CSMD1: variants seen among roughly 807,000 people sequenced by gnomAD.
The protein encoded by CSMD1 is CUB and Sushi multiple domains 1.
CSMD1 carries 213 observed loss-of-function variants against 417.5 expected under a neutral mutation model. The observed-to-expected ratio is 0.51, with a 90% CI of 0.46 to 0.57. The LOEUF (loss-of-function observed/expected upper bound fraction) is 0.57, where lower values mean the gene tolerates loss of function less well. Ranked by LOEUF, CSMD1 falls within the 20% of genes least tolerant of loss-of-function variation. The pLI is 0.00. For missense variants in CSMD1, 6,923 were observed against 4,529.7 expected (o/e 1.53, Z -15.17); for synonymous variants, 2,862 against 1,736.8 (o/e 1.65, Z -16.11).
At chr8:3,957,540 T>G (rs984600857) in intron 5 of CSMD1, among the ~76,000 whole-genome samples, 1 of 151,936 alleles carries the variant, frequency 6.6e-6, no homozygotes, top group African/African-American at 2.4e-5. Flanking sequence ...AAAAACTAGC[T>G]GGGCATGGCG....
chr8:2,954,938 T>G (rs1802895842), intron 64 of CSMD1, among the ~76,000 whole-genome samples: 1 of 152,166 alleles, frequency 6.6e-6, no homozygotes, highest in South Asian at 2.1e-4. Flanking sequence ...CACGCCATCA[T>G]TTTTGGTTTA....
intron 3 of CSMD1, among the ~76,000 whole-genome samples, chr8:4,320,586 C>A (rs1447763294): frequency 6.6e-6 from 1 of 152,120 alleles, no homozygotes. Context: ...TCAACTCCCA[C>A]TTATGAGTGA....
At chr8:3,717,705 T>C (rs972419449) in intron 6 of CSMD1, among the ~76,000 whole-genome samples, 7 of 152,216 alleles carry the variant, frequency 4.6e-5, no homozygotes, top group Non-Finnish European at 7.4e-5. Context: ...CACTTAATAT[T>C]GGTAGAATAA....
At chr8:2,977,532 G>T (rs630796) in intron 55 of CSMD1, among the ~76,000 whole-genome samples, 120,383 of 152,138 alleles carry the variant, frequency 0.79, 47,824 homozygotes, top group Non-Finnish European at 0.81. Context: ...TTCCATGTGT[G>T]GTTATTGTGA....
In CSMD1 at chr8:3,536,917, T is replaced by C. The variant is rs370797963; in HGVS notation, c.1344+38028A>G. Among the ~76,000 whole-genome samples the C allele has an allele frequency of 1.1e-4, 16 of 152,230 alleles. No individual in the cohort carries two copies. The East Asian group carries it at 2.9e-3, about 27-fold the overall frequency. On this transcript the variant is annotated intron_variant, in intron 10 of 69. Coordinates refer to ENST00000635120, the MANE Select transcript of CSMD1 (RefSeq NM_033225.6). The stretch of plus-strand genomic sequence containing the variant: ...TAGTTTAGAAGGATTTATTGTACGA[T>C]TGCCCTAGTCGTCAGTAGAGTCAGT...
intron 5 of CSMD1, among the ~76,000 whole-genome samples, chr8:3,915,584 T>G (rs1229174975): frequency 6.6e-6 from 1 of 151,570 alleles, no homozygotes; most frequent in Non-Finnish European, 1.5e-5. Context: ...AGTCAGACAT[T>G]TAATGGGATT....
chr8:4,517,069 G>T (rs1803164947), intron 2 of CSMD1, among the ~76,000 whole-genome samples: 1 of 152,120 alleles, frequency 6.6e-6, no homozygotes, highest in Non-Finnish European at 1.5e-5. Flanking sequence ...GTTTTACTGT[G>T]AATGCAGAAA....
intron 1 of CSMD1, among the ~76,000 whole-genome samples, chr8:4,656,077 T>C (rs1321422109): frequency 6.6e-6 from 1 of 151,988 alleles, no homozygotes; most frequent in Non-Finnish European, 1.5e-5. Flanking sequence ...GGCACAGTAA[T>C]GGGAAAGACA....
At chr8:4,080,650 G>A (rs1255776651) in intron 3 of CSMD1, among the ~76,000 whole-genome samples, 3 of 152,052 alleles carry the variant, frequency 2.0e-5, no homozygotes, top group East Asian at 1.9e-4. Flanking sequence ...TTATTAGCAC[G>A]ACAAGACAAA....
At chr8:4,811,876 A>T (rs1296291000) in intron 1 of CSMD1, among the ~76,000 whole-genome samples, 3 of 152,174 alleles carry the variant, frequency 2.0e-5, no homozygotes, top group Non-Finnish European at 2.9e-5. Flanking sequence ...AGCTGCCTCA[A>T]ATCATAGAAC....
At chr8:4,010,455 C>A (rs549055799) in intron 4 of CSMD1, among the ~76,000 whole-genome samples, 2 of 152,142 alleles carry the variant, frequency 1.3e-5, no homozygotes, top group African/African-American at 4.8e-5. Flanking sequence ...CTGGGAAAAA[C>A]ATAACCTCTT....
At position 3,621,073 on chromosome 8, in the gene CSMD1, G is replaced by A. The variant is rs76870432; in HGVS notation, c.1010-4276C>T. Among the ~76,000 whole-genome samples the A allele has an allele frequency of 1.2e-3, 183 of 152,290 alleles. 2 individuals are homozygous for A. In the East Asian group the frequency reaches 0.027, roughly 23 times the overall value. On this transcript the variant is annotated intron_variant, in intron 7 of 69. Transcript: ENST00000635120. ...ATACATAAAGGAAAGTCCATGTGAA[G>A]ACACAAGAAGAGAGTCATCCACAAG... is the stretch of plus-strand genomic sequence containing the variant.
At chr8:3,981,674 A>G (rs1477492703) in intron 5 of CSMD1, among the ~76,000 whole-genome samples, 1 of 151,598 alleles carries the variant, frequency 6.6e-6, no homozygotes, top group Non-Finnish European at 1.5e-5. Context: ...TCCTTCTTTG[A>G]CGTTAATTGT....
At chr8:4,927,812 C>T (rs949303323) in intron 1 of CSMD1, among the ~76,000 whole-genome samples, 8 of 152,182 alleles carry the variant, frequency 5.3e-5, no homozygotes, top group Admixed American at 5.2e-4. Flanking sequence ...CTCTCCTTCT[C>T]ACACTCACCA....
chr8:4,273,262 G>T (rs1368129274), intron 3 of CSMD1, among the ~76,000 whole-genome samples: 1 of 152,072 alleles, frequency 6.6e-6, no homozygotes, highest in Non-Finnish European at 1.5e-5. Flanking sequence ...GAGCATATTT[G>T]TATTAGTTCA....
intron 5 of CSMD1, among the ~76,000 whole-genome samples, chr8:3,915,405 C>CAGAAA (rs1554484704): frequency 0.12 from 9,374 of 76,134 alleles, 429 homozygotes; most frequent in South Asian, 0.18. Flanking sequence ...GACTCTGTCT[C>CAGAAA]AAAAAAAAAA....
intron 3 of CSMD1, among the ~76,000 whole-genome samples, chr8:4,299,371 G>A (rs1331828532): frequency 1.3e-5 from 2 of 152,132 alleles, no homozygotes; most frequent in African/African-American, 4.8e-5. Flanking sequence ...GTAAGTGTCT[G>A]AAGTGATTGT....
At chr8:4,023,914 A>G (rs2740926) in intron 4 of CSMD1, among the ~76,000 whole-genome samples, 95,916 of 151,308 alleles carry the variant, frequency 0.63, 30,722 homozygotes, top group South Asian at 0.74. Context: ...ACAGCACCCG[A>G]CCACTGCTTT....
rs73503899 is a variant in CSMD1 at position 4,882,165 on chromosome 8, C to G, written c.85+112167G>C. Among the ~76,000 whole-genome samples, 34 of 151,924 alleles carry G rather than the reference C, an allele frequency of 2.2e-4. 1 individual carries two copies. Among genetic ancestry groups the G allele is most frequent in the African/African-American group, 8.0e-4 (33 of 41,316 alleles). On this transcript the variant is annotated intron_variant, in intron 1 of 69. Coordinates refer to ENST00000635120, the MANE Select transcript of CSMD1 (RefSeq NM_033225.6). ...CATGTAGTTACAAGTGCTGGAAATC[C>G]CAGTCTCCTTGGCACTAGACGGTGG...
Sources: gnomAD v4.1 joint callset for allele counts (sites outside exome capture counted in the v4.1 genomes callset) on GRCh38, gnomAD v4.1.1 for gene constraint, MANE v1.5 for transcripts, NCBI Gene and HGNC (gene_info 2026-07-23, HGNC 2026-07-21) for gene names.